The following LARP4 variants were observed in gnomAD, a reference collection of about 807,000 sequenced individuals.
LARP4 encodes La ribonucleoprotein 4.
Under a neutral mutation model 92.9 loss-of-function variants are expected in LARP4, and 29 were observed. That is an observed-to-expected ratio of 0.31 (90% CI 0.23 to 0.43). LARP4 has a LOEUF of 0.43. Among genes scored for constraint, LARP4 ranks in the 20% least tolerant of loss-of-function variants. LARP4 has a pLI of 1.00. For synonymous variants in LARP4, 279 were observed against 284.1 expected (o/e 0.98, Z 0.18); for missense variants, 732 against 860.0 (o/e 0.85, Z 1.86).
At chr12:50,452,545 C>T (rs939216021) in intron 8 of LARP4, among the ~76,000 whole-genome samples, 9 of 152,198 alleles carry the variant, frequency 5.9e-5, no homozygotes, top group Non-Finnish European at 1.3e-4. Context: ...TTTACCTTCC[C>T]AGCAACAGTG....
At chr12:50,468,750 A>G (rs888844345) in intron 13 of LARP4, among the ~76,000 whole-genome samples, 1 of 152,196 alleles carries the variant, frequency 6.6e-6, no homozygotes, top group Non-Finnish European at 1.5e-5. Context: ...TATATATGAT[A>G]TCATCAATTA....
intron 4 of LARP4, among the ~76,000 whole-genome samples, chr12:50,433,829 G>A (rs570105085): frequency 2.0e-5 from 3 of 152,110 alleles, no homozygotes; most frequent in East Asian, 3.9e-4. Flanking sequence ...TAGTAGAGAC[G>A]AGGTTTTATC....
At chr12:50,451,608 G>A (rs1055501499) in intron 8 of LARP4, among the ~76,000 whole-genome samples, 1 of 152,234 alleles carries the variant, frequency 6.6e-6, no homozygotes, top group Non-Finnish European at 1.5e-5. Flanking sequence ...GCTGAGGCGG[G>A]TGGATTGCCT....
intron 1 of LARP4, among the ~76,000 whole-genome samples, chr12:50,420,291 A>G (rs1157035024): frequency 6.6e-6 from 1 of 152,218 alleles, no homozygotes; most frequent in Non-Finnish European, 1.5e-5. Context: ...GAACGATCGT[A>G]AGAAATTGTT....
At chr12:50,458,605 A>G (rs1315615076) in intron 10 of LARP4, among the ~76,000 whole-genome samples, 1 of 152,210 alleles carries the variant, frequency 6.6e-6, no homozygotes, top group Non-Finnish European at 1.5e-5. Context: ...TTGGTTTATA[A>G]CTATGAAAAT....
intron 1 of LARP4, among the ~76,000 whole-genome samples, chr12:50,403,823 C>T (rs150247606): frequency 3.3e-5 from 5 of 152,122 alleles, no homozygotes; most frequent in Non-Finnish European, 5.9e-5. Flanking sequence ...GTAGTATATA[C>T]TTGTATCGTG....
intron 15 of LARP4, among the ~76,000 whole-genome samples, chr12:50,474,547 C>T (rs992986280): frequency 2.0e-5 from 3 of 152,144 alleles, no homozygotes; most frequent in African/African-American, 7.2e-5. Context: ...CGGGGTTTCA[C>T]TGTGTTAGCC....
At chr12:50,470,964 C>T (rs916640306) in intron 13 of LARP4, among the ~76,000 whole-genome samples, 4 of 152,056 alleles carry the variant, frequency 2.6e-5, no homozygotes, top group African/African-American at 9.7e-5. Flanking sequence ...CATGTATTGT[C>T]ACATATTCTT....
At chr12:50,411,305 C>T (rs189998189) in intron 1 of LARP4, among the ~76,000 whole-genome samples, 1 of 151,980 alleles carries the variant, frequency 6.6e-6, no homozygotes, top group East Asian at 1.9e-4. Flanking sequence ...CCTCTGCCTC[C>T]TAAGTAGCTG....
intron 4 of LARP4, among the ~76,000 whole-genome samples, chr12:50,433,183 T>C (rs1949931606): frequency 6.6e-6 from 1 of 152,032 alleles, no homozygotes; most frequent in Non-Finnish European, 1.5e-5. Context: ...CTGCAAATGC[T>C]CTCAGGAAGG....
chr12:50,425,613 C>T (rs552891391), intron 1 of LARP4, among the ~76,000 whole-genome samples: 1 of 152,288 alleles, frequency 6.6e-6, no homozygotes, highest in South Asian at 2.1e-4. Context: ...GGGTGGTCTT[C>T]AGCATCTTCA....
intron 1 of LARP4, among the ~76,000 whole-genome samples, chr12:50,419,364 CAA>C (rs1030136337): frequency 1.6e-4 from 24 of 151,552 alleles, no homozygotes; most frequent in African/African-American, 5.8e-4. Context: ...GACCCTGTCT[CAA>C]AACAGGTAGG....
chr12:50,435,665 A>G, intron 5 of LARP4, 41 bp downstream of exon 5: 2 of 1,442,756 alleles, frequency 1.4e-6, no homozygotes, highest in Non-Finnish European at 9.5e-7. Context: ...TAATTTTTAA[A>G]CGTAAAATGT....
At chr12:50,411,712 G>A (rs1367326425) in intron 1 of LARP4, among the ~76,000 whole-genome samples, 3 of 151,466 alleles carry the variant, frequency 2.0e-5, no homozygotes, top group Non-Finnish European at 2.9e-5. Flanking sequence ...ATGGAGTCTC[G>A]CTCTGTTGCC....
At chr12:50,443,910 G>T (rs1349168832) in intron 8 of LARP4, among the ~76,000 whole-genome samples, 1 of 152,196 alleles carries the variant, frequency 6.6e-6, no homozygotes, top group Non-Finnish European at 1.5e-5. Context: ...ACCTTGCCTG[G>T]CCAGATATCA....
intron 8 of LARP4, among the ~76,000 whole-genome samples, chr12:50,449,951 TTGAGATG>T: frequency 6.9e-6 from 1 of 145,372 alleles, no homozygotes; most frequent in Middle Eastern, 3.5e-3. Flanking sequence ...TTTTTTTTTT[TTGAGATG>T]GAGTTTTGCT....
chr12:50,467,436 A>AT (rs1956291131), intron 13 of LARP4, among the ~76,000 whole-genome samples: 2 of 151,830 alleles, frequency 1.3e-5, no homozygotes. Context: ...GAGTACAGGC[A>AT]TGCGCAACCA....
intron 6 of LARP4, among the ~76,000 whole-genome samples, chr12:50,439,704 T>C (rs1031291114): frequency 6.6e-6 from 1 of 152,218 alleles, no homozygotes; most frequent in African/African-American, 2.4e-5. Context: ...CAGGCTGCAT[T>C]TGACCTTTGC....
In LARP4 at chr12:50,430,492, C is replaced by T. The variant is rs77680811; in HGVS notation, c.323-3C>T. 16,192 of 1,571,000 alleles carry T rather than the reference C, an allele frequency of 0.01. 115 individuals are homozygous for T. The highest frequency in any genetic ancestry group is 0.012 in the Non-Finnish European group (14,058 of 1,147,258). On this transcript the variant is annotated splice_polypyrimidine_tract_variant and splice_region_variant and intron_variant, in intron 3 of 15. Coordinates refer to ENST00000398473, the MANE Select transcript of LARP4 (RefSeq NM_052879.5). ...TTTTTTCCCTCTTCTTTTCTACCAT[C>T]AGGAGAAAGCAATTCAGCAGTTTCT... is the stretch of plus-strand genomic sequence containing the variant.
Sources: allele counts gnomAD v4.1 joint callset (sites outside exome capture counted in the v4.1 genomes callset), GRCh38; gene constraint gnomAD v4.1.1; transcripts MANE v1.5; gene names NCBI Gene and HGNC (gene_info 2026-07-23, HGNC 2026-07-21).